The following PRDM15 variants were observed in gnomAD, a reference collection of about 807,000 sequenced individuals.
PRDM15 encodes the protein PR domain zinc finger protein 15.
Under a neutral mutation model 128.6 loss-of-function variants are expected in PRDM15, and 64 were observed. The ratio of observed to expected loss-of-function variants is 0.50; its 90% CI spans 0.41 to 0.61. The LOEUF (loss-of-function observed/expected upper bound fraction) is 0.61, where lower values mean the gene tolerates loss of function less well. Among genes scored for constraint, PRDM15 ranks in the 20% least tolerant of loss-of-function variants. The pLI, the probability that PRDM15 is intolerant of heterozygous loss-of-function variation, is 0.00. For missense variants in PRDM15, 1,242 were observed against 1,569.1 expected (o/e 0.79, Z 3.52); for synonymous variants, 615 against 621.8 (o/e 0.99, Z 0.16).
At chr21:41,807,340 G>A (rs1353187639) in intron 21 of PRDM15, among the ~76,000 whole-genome samples, 6 of 152,136 alleles carry the variant, frequency 3.9e-5, no homozygotes, top group Non-Finnish European at 8.8e-5. Flanking sequence ...TGTTTAACTA[G>A]TCCAACAGTT....
intron 5 of PRDM15, among the ~76,000 whole-genome samples, chr21:41,849,241 T>G (rs568628835): frequency 7.8e-4 from 118 of 152,220 alleles, no homozygotes; most frequent in Non-Finnish European, 1.4e-3. Flanking sequence ...GTAACTCAGC[T>G]GTGGTGGTGC....
rs1420637240 is a variant in PRDM15 at position 41,879,007 on chromosome 21, G to C, written c.-10+263C>G. ...CGCGGCGGCGGGACCCGGCGGGCGG[G>C]CGGCGCGCAGGGCGATCCCGGAGCG... On this transcript the variant is annotated intron_variant, in intron 1 of 23. Transcript: ENST00000398548. This position sits in a 1 kb window ranked among gnomAD's most constrained non-coding sequence, Gnocchi z 5.1. 17 of 1,020,506 alleles carry C rather than the reference G, an allele frequency of 1.7e-5. No homozygotes were observed. The highest frequency in any genetic ancestry group is 2.0e-5 in the Non-Finnish European group (17 of 844,130). The allele number at this position is 1,020,506 out of a possible 1,614,324, so 63.2% of individuals were successfully genotyped here. A position where few individuals can be genotyped will look rare whatever the true frequency, so the allele number is the denominator to read the frequency against.
At chr21:41,839,576 A>C in intron 7 of PRDM15, 47 bp downstream of exon 7, 1 of 1,524,046 alleles carries the variant, frequency 6.6e-7, no homozygotes, top group East Asian at 2.3e-5. Context: ...GGGCGCCAGG[A>C]GGGCTGCGCC....
intron 14 of PRDM15, 25 bp downstream of exon 14, chr21:41,823,293 G>T (rs768993861): frequency 1.0e-5 from 16 of 1,604,852 alleles, no homozygotes; most frequent in Non-Finnish European, 1.0e-5. Context: ...AGCATGCCTG[G>T]GTGAGGGCAG....
intron 3 of PRDM15, among the ~76,000 whole-genome samples, chr21:41,858,357 C>G (rs192905024): frequency 6.6e-6 from 1 of 151,880 alleles, no homozygotes; most frequent in Non-Finnish European, 1.5e-5. Flanking sequence ...GCCCCTCCGA[C>G]AGAGGCGGAC....
intron 1 of PRDM15, chr21:41,878,932 CG>C (rs1043153949): frequency 8.4e-6 from 8 of 952,500 alleles, no homozygotes; most frequent in East Asian, 1.2e-4. Flanking sequence ...CGCGGGCGGG[CG>C]GGGGGCGCGA....
chr21:41,862,095 G>T lies in PRDM15; in HGVS notation c.-9-1723C>A. 3.1e-6 allele frequency: 3 copies of T among 952,672 alleles called. No individual in the cohort carries two copies. The highest frequency in any genetic ancestry group is 5.0e-6 in the Non-Finnish European group (3 of 601,024). The allele number at this position is 952,672 out of a possible 1,614,324, so 59.0% of individuals were successfully genotyped here. A position where few individuals can be genotyped will look rare whatever the true frequency, so the allele number is the denominator to read the frequency against. Reference sequence around the variant, plus strand: ...GAGCAGGAGATGAACAGGACAAAGGGCAGAAGAAACCCAGAGTGGGGTGGG... The same window carrying T: ...GAGCAGGAGATGAACAGGACAAAGGTCAGAAGAAACCCAGAGTGGGGTGGG... On this transcript the variant is annotated intron_variant, in intron 1 of 23. Coordinates refer to ENST00000398548, the MANE Select transcript of PRDM15 (RefSeq NM_001040424.3). The surrounding 1 kb of genome is among the most constrained non-coding windows in gnomAD (Gnocchi z 4.1).
intron 5 of PRDM15, among the ~76,000 whole-genome samples, chr21:41,847,720 C>T (rs2063311232): frequency 6.6e-6 from 1 of 152,212 alleles, no homozygotes; most frequent in South Asian, 2.1e-4. Context: ...AAGGCAGCCA[C>T]TAACCAGATG....
chr21:41,872,512 T>C (rs7275618), intron 1 of PRDM15, among the ~76,000 whole-genome samples: 58,254 of 151,850 alleles, frequency 0.38, 12,150 homozygotes, highest in Non-Finnish European at 0.48. Flanking sequence ...ATTGATTTTT[T>C]ATATTTGCTT....
intron 5 of PRDM15, among the ~76,000 whole-genome samples, chr21:41,852,561 T>C (rs2063462745): frequency 6.6e-6 from 1 of 152,270 alleles, no homozygotes; most frequent in African/African-American, 2.4e-5. Flanking sequence ...AGTGGGTTTC[T>C]CCAAGTTCTT....
intron 13 of PRDM15, among the ~76,000 whole-genome samples, chr21:41,825,178 T>C (rs553876810): frequency 3.3e-5 from 5 of 152,218 alleles, no homozygotes; most frequent in Non-Finnish European, 7.3e-5. Context: ...CATCTTACAG[T>C]CACCTGAGTG....
At chr21:41,834,443 A>C in intron 11 of PRDM15, 118 of 1,418,248 alleles carry the variant, frequency 8.3e-5, no homozygotes, top group Non-Finnish European at 1.1e-4. Flanking sequence ...AGAACAACAC[A>C]GAGATGCAAG....
chr21:41,830,241 C>T (rs920978896), intron 11 of PRDM15, among the ~76,000 whole-genome samples: 1 of 150,372 alleles, frequency 6.7e-6, no homozygotes, highest in Non-Finnish European at 1.5e-5. Context: ...ACACTCAANA[C>T]ACACCACACA....
intron 9 of PRDM15, 115 bp from the exon 10 acceptor site, chr21:41,836,322 G>T: frequency 7.7e-7 from 1 of 1,295,934 alleles, no homozygotes; most frequent in Non-Finnish European, 1.1e-6. Flanking sequence ...CGAAGGAGCT[G>T]CAGAGATGAT....
chr21:41,839,576 A>G (rs1452404818), intron 7 of PRDM15, 47 bp downstream of exon 7: 1 of 1,523,928 alleles, frequency 6.6e-7, no homozygotes, highest in African/African-American at 1.4e-5. Flanking sequence ...GGGCGCCAGG[A>G]GGGCTGCGCC....
At chr21:41,809,787 C>G (rs2061801408) in intron 21 of PRDM15, among the ~76,000 whole-genome samples, 2 of 152,182 alleles carry the variant, frequency 1.3e-5, no homozygotes, top group South Asian at 4.1e-4. Context: ...CAACTTCCCC[C>G]TCCCCATCCT....
In PRDM15 at chr21:41,862,400, C is replaced by T. The variant is rs2063848214; in HGVS notation, c.-9-2028G>A. On this transcript the variant is annotated intron_variant, in intron 1 of 23. Coordinates refer to ENST00000398548, the MANE Select transcript of PRDM15 (RefSeq NM_001040424.3). This position sits in a 1 kb window ranked among gnomAD's most constrained non-coding sequence, Gnocchi z 4.1. ...CTTGTGTGGCCGCCTCTCCCCGGGG[C>T]AGACCTTGCCTCTGGCCTACACCTC... Among the ~76,000 whole-genome samples, 1 of 152,186 alleles carries T rather than the reference C, an allele frequency of 6.6e-6. No homozygotes were observed. Among genetic ancestry groups the T allele is most frequent in the Non-Finnish European group, 1.5e-5 (1 of 68,034 alleles).
intron 21 of PRDM15, among the ~76,000 whole-genome samples, chr21:41,808,002 T>C (rs1464515572): frequency 6.6e-6 from 1 of 152,214 alleles, no homozygotes; most frequent in Non-Finnish European, 1.5e-5. Context: ...GAGAGGACTC[T>C]GCCTGACAGT....
chr21:41,874,611 T>C (rs2064344647), intron 1 of PRDM15: 1 of 148,572 alleles, frequency 6.7e-6, no homozygotes, highest in African/African-American at 2.5e-5. Flanking sequence ...AAGCAGACTC[T>C]GGTCCAGTGA....
Sources: allele counts gnomAD v4.1 joint callset (sites outside exome capture counted in the v4.1 genomes callset), GRCh38; gene constraint gnomAD v4.1.1; non-coding constraint Gnocchi (gnomAD v3.1); transcripts MANE v1.5; gene names NCBI Gene and HGNC (gene_info 2026-07-23, HGNC 2026-07-21).